MOB2: variants seen among roughly 807,000 people sequenced by gnomAD.
The protein encoded by MOB2 is MOB kinase activator 2, also known as MOB2 Mps One Binder homolog.
MOB2 carries 14 observed loss-of-function variants against 27.4 expected under a neutral mutation model. The observed-to-expected ratio is 0.51, with a 90% CI of 0.34 to 0.80. The LOEUF is 0.80. Ranked by LOEUF, MOB2 falls within the 30% of genes least tolerant of loss-of-function variation. The probability of loss-of-function intolerance (pLI) is 0.01; values close to 1 mark genes in which losing one functional copy is unlikely to be tolerated. For synonymous variants in MOB2, 167 were observed against 151.8 expected (o/e 1.10, Z -0.74); for missense variants, 304 against 354.6 (o/e 0.86, Z 1.15).
At position 1,480,843 on chromosome 11, in the gene MOB2, C is replaced by T. The variant is rs374221674; in HGVS notation, c.153G>A (p.Glu51=). The T allele has an allele frequency of 1.5e-4, 234 of 1,571,106 alleles. No homozygotes were observed. Among genetic ancestry groups the T allele is most frequent in the Non-Finnish European group, 2.0e-4 (230 of 1,158,534 alleles). ...AKPNGKKPAA[E]ERKAYLEPEH... is the part of the protein sequence containing the mutation. ...CAGGCTCCAGGTAGGCCTTCCTCTC[C>T]TCCGCAGCGGGCTTCTTGCCATTAG... The change falls in exon 2 of 5, where the codon GAG becomes GAA. Residue 51 remains glutamate, a synonymous_variant. Transcript: ENST00000329957.
At chr11:1,477,456 T>C (rs756637872) in intron 3 of MOB2, among the ~76,000 whole-genome samples, 2 of 152,156 alleles carry the variant, frequency 1.3e-5, no homozygotes, top group African/African-American at 2.4e-5. Flanking sequence ...ATGCCCCACA[T>C]TCCTATGTTG....
chr11:1,470,154 C>T lies in MOB2; in HGVS notation c.*18G>A. The T allele has an allele frequency of 6.3e-7, 1 of 1,575,142 alleles. No homozygotes were observed. Among genetic ancestry groups the T allele is most frequent in the Non-Finnish European group, 8.6e-7 (1 of 1,161,082 alleles). ...ACCGTCTCTTTGCACACGTGTGCCC[C>T]TGTCCGGCCCGGGGGGCTCATCTCT... On this transcript the variant is annotated 3_prime_UTR_variant, in exon 5 of 5. Coordinates refer to ENST00000329957, the MANE Select transcript of MOB2 (RefSeq NM_001172223.3).
rs775736438 is a variant in MOB2, at chr11:1,470,156, G to C, written c.*16C>G. On this transcript the variant is annotated 3_prime_UTR_variant, in exon 5 of 5. Transcript: ENST00000329957. ...CGTCTCTTTGCACACGTGTGCCCCT[G>C]TCCGGCCCGGGGGGCTCATCTCTCC... 1.3e-6 allele frequency: 2 copies of C among 1,577,664 alleles called. No individual in the cohort carries two copies. Among genetic ancestry groups the C allele is most frequent in the African/African-American group, 2.7e-5 (2 of 74,190 alleles).
rs1881503 is a variant in MOB2, at chr11:1,486,501, A to G, written c.56T>C (p.Leu19Pro). The G allele has an allele frequency of 0.89, 1,374,413 of 1,535,816 alleles. 615,873 individuals carry two copies. The highest frequency in any genetic ancestry group is 1 in the East Asian group (40,873 of 40,916). ...CATTTTGCAGCAGAGTCCACTTTGCAGGGACTGGCCGGGCCGGGCTTGGTC... is the reference window on the plus strand; with the variant it reads ...CATTTTGCAGCAGAGTCCACTTTGCGGGGACTGGCCGGGCCGGGCTTGGTC... ...PEDQARPGQS[L>P]QSGLCCKMVL... is the part of the protein sequence containing the mutation. The change falls in exon 1 of 5, where the codon CTG becomes CCG. Residue 19 changes from leucine to proline, a missense_variant. Physicochemically the swap from Leu to Pro is moderately conservative, Grantham distance 98. Coordinates refer to ENST00000329957, the MANE Select transcript of MOB2 (RefSeq NM_001172223.3).
At chr11:1,480,094 G>GCT (rs1202872630) in intron 3 of MOB2, among the ~76,000 whole-genome samples, 1 of 152,252 alleles carries the variant, frequency 6.6e-6, no homozygotes, top group African/African-American at 2.4e-5. Flanking sequence ...GCGGAGAAGG[G>GCT]CTCTCTGCAA....
At chr11:1,480,625 AG>A (rs1430919165) in intron 2 of MOB2, 99 bp downstream of exon 2, 3 of 1,521,950 alleles carry the variant, frequency 2.0e-6, no homozygotes. Flanking sequence ...CCCTCGCGGC[AG>A]GGGGCTGCTG....
chr11:1,477,336 A>G (rs1399898809), intron 3 of MOB2, among the ~76,000 whole-genome samples: 1 of 152,186 alleles, frequency 6.6e-6, no homozygotes, highest in African/African-American at 2.4e-5. Flanking sequence ...TGGCACTGAC[A>G]TAGCCACTTC....
chr11:1,471,223 C>T, intron 4 of MOB2, 72 bp downstream of exon 4: 5 of 1,527,548 alleles, frequency 3.3e-6, no homozygotes, highest in South Asian at 1.3e-5. Context: ...GGAGCTTGGT[C>T]ACTTGCAGAC....
At chr11:1,475,429 G>A (rs373934612) in intron 3 of MOB2, among the ~76,000 whole-genome samples, 5 of 152,226 alleles carry the variant, frequency 3.3e-5, no homozygotes, top group Admixed American at 2.6e-4. Flanking sequence ...TATATGCTGC[G>A]CTTTCTCCTA....
rs1255366506 is a variant in MOB2 at position 1,470,029 on chromosome 11, TGTGCAGCCCACACCA to T, written c.*128_*142del. On this transcript the variant is annotated 3_prime_UTR_variant, in exon 5 of 5. Coordinates refer to ENST00000329957, the MANE Select transcript of MOB2 (RefSeq NM_001172223.3). ...GGCCGGGGCCGTCTGCGTCTGTGCC[TGTGCAGCCCACACCA>T]GTGCAGCCCGGGGCCCTCTCAGACC... 2.2e-5 allele frequency: 33 copies of T among 1,533,814 alleles called. No homozygotes were observed. In the Admixed American group the frequency reaches 6.1e-4, roughly 28 times the overall value.
At chr11:1,471,161 G>C (rs1847784885) in intron 4 of MOB2, 134 bp downstream of exon 4, 1 of 1,257,862 alleles carries the variant, frequency 8.0e-7, no homozygotes. Context: ...TGCTAAGCAG[G>C]GACTGGGGTG....
intron 1 of MOB2, chr11:1,481,645 G>A (rs1847914688): frequency 6.6e-6 from 1 of 152,194 alleles, no homozygotes; most frequent in Admixed American, 6.6e-5. Flanking sequence ...CGCCTTAAAA[G>A]GAGACCAGCG....
chr11:1,484,421 C>T (rs1248785791), intron 1 of MOB2, among the ~76,000 whole-genome samples: 1 of 152,180 alleles, frequency 6.6e-6, no homozygotes, highest in Non-Finnish European at 1.5e-5. Flanking sequence ...CCGGGCCCCT[C>T]ATGCTCCTTG....
At chr11:1,481,263 CCT>C in intron 1 of MOB2, 1 of 319,576 alleles carries the variant, frequency 3.1e-6, no homozygotes, top group Non-Finnish European at 6.2e-6. Context: ...AGAAGCAAAC[CCT>C]CTCACTCCTG....
chr11:1,484,132 C>T (rs190679504), intron 1 of MOB2, among the ~76,000 whole-genome samples: 5 of 152,344 alleles, frequency 3.3e-5, no homozygotes, highest in African/African-American at 4.8e-5. Flanking sequence ...GTGCTCCAGG[C>T]TCAGAGACCC....
chr11:1,470,217 G>C lies in MOB2; in HGVS notation c.762C>G (p.Ala254=). 6.2e-7 allele frequency: 1 copy of C among 1,611,962 alleles called. No homozygotes were observed. Among genetic ancestry groups the C allele is most frequent in the Non-Finnish European group, 8.5e-7 (1 of 1,179,634 alleles). ...GVHSGGSGDG[A]GSGGPGAQNH... is the part of the protein sequence containing the mutation. ...TCTGTGCTCCCGGGCCCCCGCTGCC[G>C]GCCCCATCCCCACTGCCCCCACTGT... The change falls in exon 5 of 5, where the codon GCC becomes GCG. Residue 254 remains alanine, a synonymous_variant. Transcript: ENST00000329957.
At chr11:1,481,732 GCAGGGGCAGGGAGGGGC>G (rs1847917005) in intron 1 of MOB2, 1 of 28,618 alleles carries the variant, frequency 3.5e-5, no homozygotes, top group Admixed American at 3.9e-4. Flanking sequence ...AGGGGCAGGG[GCAGGGGCAGGGAGGGGC>G]AGGGGCAGGG....
rs748865303 is a variant in MOB2 at position 1,480,460 on chromosome 11, G to A, written c.298C>T (p.Leu100=). 7.4e-6 allele frequency: 12 copies of A among 1,613,870 alleles called. No individual in the cohort carries two copies. Among genetic ancestry groups the A allele is most frequent in the Admixed American group, 1.7e-5 (1 of 60,036 alleles). The change falls in exon 3 of 5, where the codon CTG becomes TTG. Residue 100 remains leucine, a synonymous_variant. Coordinates refer to ENST00000329957, the MANE Select transcript of MOB2 (RefSeq NM_001172223.3). ...AACTCGGAGATGGTGCTATACTGCA[G>A]GTTGATGTGGTGGAAAAACGTCGTG... The part of the protein sequence containing the change: ...NTTTFFHHIN[L]QYSTISEFCT...
At chr11:1,472,664 C>A (rs1847807139) in intron 3 of MOB2, 1 of 152,464 alleles carries the variant, frequency 6.6e-6, no homozygotes, top group Non-Finnish European at 1.5e-5. Context: ...GGAGGCCACT[C>A]TTCTCTTGGC....
Sources: gnomAD v4.1 joint callset for allele counts (sites outside exome capture counted in the v4.1 genomes callset) on GRCh38, gnomAD v4.1.1 for gene constraint, MANE v1.5 for transcripts, NCBI Gene and HGNC (gene_info 2026-07-23, HGNC 2026-07-21) for gene names.